KIRREL3: variants seen among roughly 807,000 people sequenced by gnomAD.
The protein encoded by KIRREL3 is kin of IRRE-like protein 3.
KIRREL3 carries 36 observed loss-of-function variants against 89.7 expected under a neutral mutation model. That is an observed-to-expected ratio of 0.40 (90% CI 0.31 to 0.53). KIRREL3 has a LOEUF of 0.53. Among genes scored for constraint, KIRREL3 ranks in the 20% least tolerant of loss-of-function variants. KIRREL3 has a pLI of 0.49. For synonymous variants in KIRREL3, 445 were observed against 441.4 expected (o/e 1.01, Z -0.10); for missense variants, 864 against 1,056.6 (o/e 0.82, Z 2.53).
chr11:126,613,895 T>TTTTTTTTTTTTCTTTGA (rs1943240473), intron 1 of KIRREL3, among the ~76,000 whole-genome samples: 1 of 104,836 alleles, frequency 9.5e-6, no homozygotes, highest in African/African-American at 3.5e-5. Context: ...TTTTTTTTTA[T>TTTTTTTTTTTTCTTTGA]TTTTTTCCCC....
At position 126,571,634 on chromosome 11, in the gene KIRREL3, G is replaced by A. The variant is rs1235581460; in HGVS notation, c.56-8722C>T. On this transcript the variant is annotated intron_variant, in intron 1 of 16. Coordinates refer to ENST00000525144, the MANE Select transcript of KIRREL3 (RefSeq NM_032531.4). The surrounding 1 kb of genome is among the most constrained non-coding windows in gnomAD (Gnocchi z 7.7). ...TGTTATTATTCCTATTTGACAGAAG[G>A]GAAACCGAGGATCCAAAAGGTTACA... 5.3e-5 allele frequency among the ~76,000 whole-genome samples: 8 copies of A among 152,152 alleles called. No homozygotes were observed. The highest frequency in any genetic ancestry group is 1.9e-4 in the African/African-American group (8 of 41,406).
chr11:126,633,618 T>C (rs1472308440), intron 1 of KIRREL3, among the ~76,000 whole-genome samples: 2 of 152,196 alleles, frequency 1.3e-5, no homozygotes, highest in Non-Finnish European at 2.9e-5. Context: ...GGAAGATTCC[T>C]GAAGCCCTCA....
chr11:126,851,545 C>T (rs146310980), intron 1 of KIRREL3, among the ~76,000 whole-genome samples: 23 of 152,306 alleles, frequency 1.5e-4, no homozygotes, highest in Non-Finnish European at 2.8e-4. Flanking sequence ...CCGACTCTTA[C>T]GCCACACAGC....
chr11:126,720,052 G>T (rs1333446583), intron 1 of KIRREL3, among the ~76,000 whole-genome samples: 1 of 152,146 alleles, frequency 6.6e-6, no homozygotes, highest in East Asian at 1.9e-4. Flanking sequence ...AAGCCAACCT[G>T]CAGGCTCCCT....
chr11:126,851,576 A>T (rs1319025175), intron 1 of KIRREL3, among the ~76,000 whole-genome samples: 1 of 152,138 alleles, frequency 6.6e-6, no homozygotes, highest in Non-Finnish European at 1.5e-5. Flanking sequence ...CAGAGAGAAC[A>T]TCTCGAATGT....
chr11:126,599,238 C>T (rs1246981869), intron 1 of KIRREL3, among the ~76,000 whole-genome samples: 1 of 152,152 alleles, frequency 6.6e-6, no homozygotes, highest in East Asian at 1.9e-4. Flanking sequence ...TTAAGACATC[C>T]CAGAAGCAGG....
chr11:126,838,143 A>G (rs972975350), intron 1 of KIRREL3, among the ~76,000 whole-genome samples: 2 of 152,218 alleles, frequency 1.3e-5, no homozygotes, highest in African/African-American at 2.4e-5. Flanking sequence ...AAGGGAAAGG[A>G]TTGTTAATAT....
Position 126,943,738 on chromosome 11 carries a change from A to G in KIRREL3, c.55+56717T>C, listed in dbSNP as rs1458253290. Among the ~76,000 whole-genome samples the G allele has an allele frequency of 7.9e-5, 12 of 152,194 alleles. No individual in the cohort carries two copies. Among genetic ancestry groups the G allele is most frequent in the Non-Finnish European group, 2.9e-5 (2 of 68,032 alleles). On this transcript the variant is annotated intron_variant, in intron 1 of 16. Coordinates refer to ENST00000525144, the MANE Select transcript of KIRREL3 (RefSeq NM_032531.4). The surrounding 1 kb of genome is among the most constrained non-coding windows in gnomAD (Gnocchi z 4.2). Reference sequence around the variant, plus strand: ...GGGAGGCATTAAAGGGCCACCTCCTATAGTGAAAGGAAGGCTGCCACATTT... The same window carrying G: ...GGGAGGCATTAAAGGGCCACCTCCTGTAGTGAAAGGAAGGCTGCCACATTT...
chr11:126,493,247 C>T (rs1224229654), intron 4 of KIRREL3, among the ~76,000 whole-genome samples: 5 of 152,236 alleles, frequency 3.3e-5, no homozygotes, highest in African/African-American at 9.6e-5. Context: ...CTGGGCTGGG[C>T]GCGGTGGCTC....
At position 126,776,384 on chromosome 11, in the gene KIRREL3, C is replaced by T. The variant is rs1950169526; in HGVS notation, c.56-213472G>A. Among the ~76,000 whole-genome samples, 1 of 152,182 alleles carries T rather than the reference C, an allele frequency of 6.6e-6. No homozygotes were observed. The highest frequency in any genetic ancestry group is 1.5e-5 in the Non-Finnish European group (1 of 68,044). ...GTCTGTCTTACGCAAGTCATGAAAC[C>T]TCACTGAACCAGTTTCCCATTGGTA... On this transcript the variant is annotated intron_variant, in intron 1 of 16. Transcript: ENST00000525144. This position sits in a 1 kb window ranked among gnomAD's most constrained non-coding sequence, Gnocchi z 4.7.
rs1444561528 is a variant in KIRREL3 at position 126,521,060 on chromosome 11, A to C, written c.433+255T>G. ...TGTAGGAGCCCTCATTAGCTGCCTA[A>C]GGCACCATCAAACACGCCGGGGTTG... is the stretch of plus-strand genomic sequence containing the variant. On this transcript the variant is annotated intron_variant, in intron 4 of 16. Transcript: ENST00000525144. The surrounding 1 kb of genome is among the most constrained non-coding windows in gnomAD (Gnocchi z 4.1). Among the ~76,000 whole-genome samples the C allele has an allele frequency of 1.3e-5, 2 of 152,244 alleles. No homozygotes were observed. The highest frequency in any genetic ancestry group is 2.4e-5 in the African/African-American group (1 of 41,472).
chr11:126,900,845 T>A lies in KIRREL3; in HGVS notation c.55+99610A>T, dbSNP rs1946342657. ...GCATTGTACTTATTTAAAGACATTTTCAAAACAGTTGCAAGTTAACTCAAG... is the reference window on the plus strand; with the variant it reads ...GCATTGTACTTATTTAAAGACATTTACAAAACAGTTGCAAGTTAACTCAAG... On this transcript the variant is annotated intron_variant, in intron 1 of 16. Transcript: ENST00000525144. The surrounding 1 kb of genome is among the most constrained non-coding windows in gnomAD (Gnocchi z 4.4). 6.6e-6 allele frequency among the ~76,000 whole-genome samples: 1 copy of A among 152,188 alleles called. No individual in the cohort carries two copies. Among genetic ancestry groups the A allele is most frequent in the South Asian group, 2.1e-4 (1 of 4,824 alleles).
intron 1 of KIRREL3, among the ~76,000 whole-genome samples, chr11:126,753,333 A>G (rs1342268205): frequency 6.6e-6 from 1 of 152,168 alleles, no homozygotes; most frequent in East Asian, 1.9e-4. Flanking sequence ...GGCCTTCCAG[A>G]ACCAGACAGG....
At chr11:126,713,049 G>A (rs890453873) in intron 1 of KIRREL3, among the ~76,000 whole-genome samples, 3 of 152,192 alleles carry the variant, frequency 2.0e-5, no homozygotes, top group Non-Finnish European at 4.4e-5. Context: ...CATAGGAGTG[G>A]CAGATAGGTA....
rs1387558611 is a variant in KIRREL3 at position 126,812,811 on chromosome 11, C to T, written c.55+187644G>A. The stretch of plus-strand genomic sequence containing the variant: ...ACAATGATCCAATTTCTGGGTCTGG[C>T]TCTGTTTCTCTATTTCCCAGTTACT... On this transcript the variant is annotated intron_variant, in intron 1 of 16. Coordinates refer to ENST00000525144, the MANE Select transcript of KIRREL3 (RefSeq NM_032531.4). This position sits in a 1 kb window ranked among gnomAD's most constrained non-coding sequence, Gnocchi z 5.2. Among the ~76,000 whole-genome samples the T allele has an allele frequency of 6.6e-6, 1 of 152,264 alleles. No individual in the cohort carries two copies. Among genetic ancestry groups the T allele is most frequent in the Non-Finnish European group, 1.5e-5 (1 of 68,018 alleles).
At chr11:126,460,125 G>C (rs148158783) in intron 6 of KIRREL3, among the ~76,000 whole-genome samples, 4 of 152,092 alleles carry the variant, frequency 2.6e-5, no homozygotes, top group African/African-American at 7.2e-5. Context: ...GAGGGGGAAG[G>C]GGGGAGGGAG....
chr11:126,497,102 C>T (rs115066587), intron 4 of KIRREL3, among the ~76,000 whole-genome samples: 2,637 of 150,404 alleles, frequency 0.018, 73 homozygotes, highest in African/African-American at 0.059. Flanking sequence ...GGCTTAAAGC[C>T]TGCTTGGCTG....
intron 1 of KIRREL3, among the ~76,000 whole-genome samples, chr11:126,851,927 G>A (rs1353159702): frequency 6.6e-6 from 1 of 152,210 alleles, no homozygotes; most frequent in Non-Finnish European, 1.5e-5. Context: ...CTCGAGGAGA[G>A]TAGGGCGGGT....
Position 126,773,669 on chromosome 11 carries a change from G to A in KIRREL3, c.56-210757C>T, listed in dbSNP as rs1016678642. ...TCTGCCATAGGAAGAACATCAAGCTGTATGTATGTGTGTGTGTGTGTGTTT... is the reference window on the plus strand; with the variant it reads ...TCTGCCATAGGAAGAACATCAAGCTATATGTATGTGTGTGTGTGTGTGTTT... On this transcript the variant is annotated intron_variant, in intron 1 of 16. Coordinates refer to ENST00000525144, the MANE Select transcript of KIRREL3 (RefSeq NM_032531.4). This position sits in a 1 kb window ranked among gnomAD's most constrained non-coding sequence, Gnocchi z 4.2. 6.6e-6 allele frequency among the ~76,000 whole-genome samples: 1 copy of A among 151,932 alleles called. No individual in the cohort carries two copies. Among genetic ancestry groups the A allele is most frequent in the Non-Finnish European group, 1.5e-5 (1 of 68,048 alleles).
Sources: gnomAD v4.1 joint callset for allele counts (sites outside exome capture counted in the v4.1 genomes callset) on GRCh38, gnomAD v4.1.1 for gene constraint, Gnocchi (gnomAD v3.1) non-coding constraint, MANE v1.5 for transcripts, NCBI Gene and HGNC (gene_info 2026-07-23, HGNC 2026-07-21) for gene names.